Variants in SLC5A12 observed in about 807,000 individuals in gnomAD.
The protein encoded by SLC5A12 is sodium-coupled monocarboxylate transporter 2.
In SLC5A12, 46 loss-of-function variants were observed where a neutral mutation model predicts 72.7. The observed-to-expected ratio is 0.63, with a 90% CI of 0.50 to 0.81. The LOEUF (loss-of-function observed/expected upper bound fraction) is 0.81. Among genes scored for constraint, SLC5A12 ranks in the 30% least tolerant of loss-of-function variants. The pLI is 0.00. For synonymous variants in SLC5A12, 275 were observed against 264.4 expected, an observed-to-expected ratio of 1.04 and a Z score of -0.39; for missense variants, 683 against 740.7, an observed-to-expected ratio of 0.92 and a Z score of 0.90.
chr11:26,698,375 C>A (rs1320412510), intron 7 of SLC5A12, 31 bp downstream of exon 7: 2 of 1,608,400 alleles, frequency 1.2e-6, no homozygotes, highest in African/African-American at 2.7e-5. Context: ...TCATTCCAGA[C>A]ACTCGCCACT....
At chr11:26,682,776 G>T (rs2133148233) in intron 11 of SLC5A12, among the ~76,000 whole-genome samples, 1 of 152,066 alleles carries the variant, frequency 6.6e-6, no homozygotes, top group South Asian at 2.1e-4. Context: ...ATTTTTTGTG[G>T]CTAGGATATT....
chr11:26,704,828 A>C (rs1404829071), intron 4 of SLC5A12, among the ~76,000 whole-genome samples: 1 of 152,118 alleles, frequency 6.6e-6, no homozygotes, highest in East Asian at 1.9e-4. Flanking sequence ...CACTCTTTGC[A>C]AAATTAGTGA....
chr11:26,693,479 T>C (rs1310704031), intron 8 of SLC5A12, among the ~76,000 whole-genome samples: 1 of 152,186 alleles, frequency 6.6e-6, no homozygotes, highest in Non-Finnish European at 1.5e-5. Context: ...CTCAATCTTA[T>C]TGGACCTAAA....
intron 6 of SLC5A12, 93 bp from the exon 7 acceptor site, chr11:26,698,628 G>T: frequency 8.2e-7 from 1 of 1,213,436 alleles, no homozygotes; most frequent in African/African-American, 1.5e-5. Flanking sequence ...AGGGTTTTGG[G>T]TCTTTTTGCT....
At chr11:26,706,929 T>C (rs1449377926) in intron 4 of SLC5A12, among the ~76,000 whole-genome samples, 3 of 151,644 alleles carry the variant, frequency 2.0e-5, no homozygotes, top group Non-Finnish European at 4.4e-5. Context: ...ACTAGACTCA[T>C]TAAATGTTTA....
chr11:26,681,893 T>C (rs115303383), intron 11 of SLC5A12, among the ~76,000 whole-genome samples: 111 of 152,136 alleles, frequency 7.3e-4, no homozygotes, highest in African/African-American at 2.3e-3. Context: ...AAGAAACCTG[T>C]TGGCTTCTCT....
intron 8 of SLC5A12, among the ~76,000 whole-genome samples, chr11:26,696,750 T>A (rs1351849524): frequency 6.6e-6 from 1 of 152,186 alleles, no homozygotes; most frequent in Non-Finnish European, 1.5e-5. Flanking sequence ...TGAAATGTCA[T>A]GTGGCAGACT....
chr11:26,717,583 G>C (rs1855379891), intron 1 of SLC5A12, among the ~76,000 whole-genome samples: 1 of 152,134 alleles, frequency 6.6e-6, no homozygotes, highest in South Asian at 2.1e-4. Context: ...AGCACAGATG[G>C]CATATCTTAG....
chr11:26,685,600 T>G (rs187380160), intron 10 of SLC5A12, among the ~76,000 whole-genome samples: 133 of 147,794 alleles, frequency 9.0e-4, no homozygotes, highest in African/African-American at 3.2e-3. Flanking sequence ...AGAGTGAGAC[T>G]CTGTCTCAAA....
chr11:26,674,172 C>T (rs955813140), intron 13 of SLC5A12, among the ~76,000 whole-genome samples: 1 of 149,096 alleles, frequency 6.7e-6, no homozygotes, highest in Non-Finnish European at 1.5e-5. Context: ...TTTGCTCCTC[C>T]CAGAACTTAT....
intron 8 of SLC5A12, among the ~76,000 whole-genome samples, chr11:26,694,667 G>C (rs552195966): frequency 9.9e-5 from 15 of 152,136 alleles, no homozygotes; most frequent in African/African-American, 3.1e-4. Context: ...TAAATTCAAG[G>C]ATATTGCTAT....
At chr11:26,711,610 T>G (rs553238722) in intron 2 of SLC5A12, among the ~76,000 whole-genome samples, 1 of 152,102 alleles carries the variant, frequency 6.6e-6, no homozygotes, top group East Asian at 1.9e-4. Flanking sequence ...TGGTTATATT[T>G]TGTATATCTC....
At chr11:26,700,531 A>AAATAAATC (rs1442086380) in intron 6 of SLC5A12, among the ~76,000 whole-genome samples, 4 of 152,214 alleles carry the variant, frequency 2.6e-5, no homozygotes, top group African/African-American at 9.6e-5. Flanking sequence ...ATAAATAAAT[A>AAATAAATC]AATCAGATAA....
chr11:26,671,550 A>G (rs959704397), intron 14 of SLC5A12, among the ~76,000 whole-genome samples: 1 of 152,096 alleles, frequency 6.6e-6, no homozygotes, highest in African/African-American at 2.4e-5. Flanking sequence ...AGGTAGTAGT[A>G]TTACCTTATA....
chr11:26,673,909 T>A (rs777471724), intron 13 of SLC5A12, among the ~76,000 whole-genome samples: 10 of 152,232 alleles, frequency 6.6e-5, no homozygotes, highest in Non-Finnish European at 1.2e-4. Flanking sequence ...ATATTTGAGA[T>A]CATCTAAGTC....
intron 13 of SLC5A12, among the ~76,000 whole-genome samples, chr11:26,673,773 T>G (rs1854202086): frequency 6.6e-6 from 1 of 152,166 alleles, no homozygotes; most frequent in Non-Finnish European, 1.5e-5. Context: ...AACCTATTTA[T>G]TTTTAAATAT....
intron 11 of SLC5A12, 87 bp downstream of exon 11, chr11:26,683,670 G>T: frequency 1.8e-6 from 2 of 1,084,808 alleles, no homozygotes; most frequent in South Asian, 1.4e-5. Flanking sequence ...AAGACAGATA[G>T]CTTTTCTAAA....
intron 6 of SLC5A12, among the ~76,000 whole-genome samples, chr11:26,700,817 G>A (rs561495139): frequency 3.3e-4 from 50 of 152,142 alleles, no homozygotes; most frequent in Admixed American, 3.1e-3. Flanking sequence ...GTTGTCTTTG[G>A]TGACTAATCA....
intron 8 of SLC5A12, among the ~76,000 whole-genome samples, chr11:26,696,418 G>C (rs896870520): frequency 6.6e-6 from 1 of 152,234 alleles, no homozygotes. Flanking sequence ...GCAAAGAATA[G>C]ATGTGCAGAA....
Sources: allele counts gnomAD v4.1 joint callset (sites outside exome capture counted in the v4.1 genomes callset), GRCh38; gene constraint gnomAD v4.1.1; transcripts MANE v1.5; gene names NCBI Gene and HGNC (gene_info 2026-07-23, HGNC 2026-07-21).